The following ZNF394 variants were observed in gnomAD, a reference collection of about 807,000 sequenced individuals.
ZNF394 encodes the protein zinc finger protein 99.
A neutral mutation model predicts 21.8 loss-of-function variants in ZNF394; 19 were observed. That is an observed-to-expected ratio of 0.87 (90% confidence interval 0.61 to 1.28). The LOEUF is 1.28. Among genes scored for constraint, ZNF394 ranks in the 50% most tolerant of loss-of-function variants. The probability of loss-of-function intolerance (pLI) is 0.00; values close to 1 mark genes in which losing one functional copy is unlikely to be tolerated. For synonymous variants in ZNF394, 294 were observed against 273.3 expected (o/e 1.08, Z -0.75); for missense variants, 683 against 708.6 (o/e 0.96, Z 0.41).
At position 99,487,594 on chromosome 7, in the gene ZNF394, T is replaced by G. The variant is rs914531106; in HGVS notation, n.84-631A>C. 5.2e-6 allele frequency: 7 copies of G among 1,355,016 alleles called. No homozygotes were observed. In the African/African-American group the frequency reaches 1.0e-4, roughly 20 times the overall value. The allele number at this position is 1,355,016 out of a possible 1,614,324, so 83.9% of individuals were successfully genotyped here. On this transcript the variant is annotated intron_variant and non_coding_transcript_variant, in intron 1 of 1. Coordinates refer to the ZNF394 transcript ENST00000462024. ...AAAAGCAATAAATGTAACAAAGGGT[T>G]TTTCTATGGGAGCCATCTTTGTGTA...
Position 99,500,227 on chromosome 7 carries a change from A to T in ZNF394, c.-134T>A. The T allele has an allele frequency of 2.6e-6, 2 of 768,362 alleles. No individual in the cohort carries two copies. Among genetic ancestry groups the T allele is most frequent in the South Asian group, 2.1e-5 (1 of 46,576 alleles). 47.6% of individuals were successfully genotyped at this position (768,362 alleles called of 1,614,324 possible). A position where few individuals can be genotyped will look rare whatever the true frequency, so the allele number is the denominator to read the frequency against. ...CCCACCACACCAGGCCCCTCTCCAC[A>T]CTCTCCTTTCCTCAGCTTTGCGCCT... On this transcript the variant is annotated 5_prime_UTR_variant, in exon 1 of 3. Coordinates refer to ENST00000337673, the MANE Select transcript of ZNF394 (RefSeq NM_032164.4).
intron 2 of ZNF394, among the ~76,000 whole-genome samples, chr7:99,494,979 C>T (rs764189488): frequency 7.9e-5 from 12 of 151,928 alleles, no homozygotes; most frequent in African/African-American, 1.2e-4. Context: ...ATGATCCGCT[C>T]GCCTCAGCCT....
rs1024771420 is a variant in ZNF394, at chr7:99,498,844, T to C, written c.457-2A>G. The C allele has an allele frequency of 4.3e-6, 7 of 1,611,782 alleles. No homozygotes were observed. The highest frequency in any genetic ancestry group is 5.9e-6 in the Non-Finnish European group (7 of 1,178,656). The stretch of plus-strand genomic sequence containing the variant: ...CGTGTCCTCGAAAGTCACCATCCCC[T>C]GGAACAACACAAGAGCCCCATTCAG... On this transcript the variant is annotated splice_acceptor_variant, in intron 1 of 2. Transcript: ENST00000337673. LOFTEE classifies it high-confidence loss of function.
In ZNF394 at chr7:99,499,992, G is replaced by T; in HGVS notation, c.102C>A (p.Asp34Glu). The T allele has an allele frequency of 6.2e-7, 1 of 1,612,140 alleles. No homozygotes were observed. Among genetic ancestry groups the T allele is most frequent in the Non-Finnish European group, 8.5e-7 (1 of 1,179,884 alleles). ...CCTCCACTTTCACGGGCAAAAGTCC[G>T]TCGCGTTGGGACGGCGCCGCGTCCT... ...RSKDAAPSQR[D>E]GLLPVKVEED... Residue 34 changes from aspartate (D) to glutamate (E), a missense_variant, in exon 1 of 3, where the codon GAC becomes GAA. Coordinates refer to ENST00000337673, the MANE Select transcript of ZNF394 (RefSeq NM_032164.4).
Position 99,498,747 on chromosome 7 carries a change from C to T in ZNF394, c.552G>A (p.Ala184=). The change falls in exon 2 of 3, where the codon GCG becomes GCA. Residue 184 remains alanine, a synonymous_variant. Transcript: ENST00000337673. ...PARRDFCRES[A]QKDSGSTVPP... ...GAACTGTGCTCCCGGAATCCTTCTG[C>T]GCACTCTCTCTGCAGAAGTCCCTCC... 6.2e-7 allele frequency: 1 copy of T among 1,614,056 alleles called. No individual in the cohort carries two copies. The highest frequency in any genetic ancestry group is 1.1e-5 in the South Asian group (1 of 91,072).
At chr7:99,499,462 G>A (rs1044617476) in intron 1 of ZNF394, among the ~76,000 whole-genome samples, 176 bp downstream of exon 1, 4 of 152,070 alleles carry the variant, frequency 2.6e-5, no homozygotes, top group African/African-American at 9.7e-5. Flanking sequence ...TTATGCTGAG[G>A]TCTATAACAA....
At chr7:99,487,020 G>GT (rs768769187) in intron 1 of ZNF394, 2 of 1,613,942 alleles carry the variant, frequency 1.2e-6, no homozygotes, top group East Asian at 2.2e-5. Flanking sequence ...GGCAGCTCGC[G>GT]TATCTTGTTG....
rs148428233 is a variant in ZNF394, at chr7:99,499,690, G to A, written c.404C>T (p.Ala135Val). 85 of 1,611,634 alleles carry A rather than the reference G, an allele frequency of 5.3e-5. No individual in the cohort carries two copies. In the African/African-American group the frequency reaches 9.9e-4, roughly 19 times the overall value. ...CTGCAGAGCCCGCACCACGGCCACC[G>A]CCTCCTCCCCGCTCTCTGGGCAGTG... ...REHCPESGEE[A>V]VAVVRALQRA... is the part of the protein sequence containing the mutation. The change falls in exon 1 of 3, where the codon GCG (alanine) becomes GTG (valine). Residue 135 changes from alanine (A) to valine (V), a missense_variant. Physicochemically the swap from Ala to Val is moderately conservative, Grantham distance 64. Coordinates refer to ENST00000337673, the MANE Select transcript of ZNF394 (RefSeq NM_032164.4).
chr7:99,499,574 C>T, intron 1 of ZNF394, 64 bp downstream of exon 1: 1 of 1,435,350 alleles, frequency 7.0e-7, no homozygotes, highest in Non-Finnish European at 9.3e-7. Context: ...TTCCGAAACG[C>T]AGAGCACCCC....
Position 99,500,187 on chromosome 7 carries a change from TC to T in ZNF394, c.-95del. The T allele has an allele frequency of 7.6e-7, 1 of 1,312,266 alleles. No homozygotes were observed. Among genetic ancestry groups the T allele is most frequent in the East Asian group, 2.5e-5 (1 of 40,272 alleles). The allele number at this position is 1,312,266 out of a possible 1,614,324, so 81.3% of individuals were successfully genotyped here. A position where few individuals can be genotyped will look rare whatever the true frequency, so the allele number is the denominator to read the frequency against. On this transcript the variant is annotated 5_prime_UTR_variant, in exon 1 of 3. Coordinates refer to ENST00000337673, the MANE Select transcript of ZNF394 (RefSeq NM_032164.4). ...CTCATCAGCCGTCAACACCCTCCGGTCCCAAACACCGGGCCCCACCACACCA... is the reference window on the plus strand; with the variant it reads ...CTCATCAGCCGTCAACACCCTCCGGTCCAAACACCGGGCCCCACCACACCA...
In ZNF394 at chr7:99,493,900, C is replaced by T. The variant is rs1198505772; in HGVS notation, c.1315G>A (p.Asp439Asn). The T allele has an allele frequency of 6.2e-7, 1 of 1,614,174 alleles. No homozygotes were observed. The highest frequency in any genetic ancestry group is 8.5e-7 in the Non-Finnish European group (1 of 1,180,048). ...LNRHQSTHSR[D>N]KHFKCEECGE... is the part of the protein sequence containing the mutation. ...CATTCCTCACATTTAAAATGTTTGTCTCTACTGTGGGTACTTTGATGACGA... is the reference window on the plus strand; with the variant it reads ...CATTCCTCACATTTAAAATGTTTGTTTCTACTGTGGGTACTTTGATGACGA... Residue 439 changes from aspartate (D) to asparagine (N), a missense_variant, in exon 3 of 3, where the codon GAC (aspartate) becomes AAC (asparagine). Transcript: ENST00000337673.
chr7:99,487,270 G>A, intron 1 of ZNF394: 9 of 1,614,224 alleles, frequency 5.6e-6, no homozygotes, highest in Non-Finnish European at 6.8e-6. Flanking sequence ...TGGTAGGAAT[G>A]TGGATCTCAT....
rs1562896469 is a variant in ZNF394, at chr7:99,500,178, A to G, written c.-85T>C. The G allele has an allele frequency of 5.1e-6, 7 of 1,377,636 alleles. No individual in the cohort carries two copies. Among genetic ancestry groups the G allele is most frequent in the Non-Finnish European group, 6.7e-6 (7 of 1,038,688 alleles). The allele number at this position is 1,377,636 out of a possible 1,614,324, so 85.3% of individuals were successfully genotyped here. A position where few individuals can be genotyped will look rare whatever the true frequency, so the allele number is the denominator to read the frequency against. ...CCCAAGGAACTCATCAGCCGTCAAC[A>G]CCCTCCGGTCCCAAACACCGGGCCC... On this transcript the variant is annotated 5_prime_UTR_variant, in exon 1 of 3. Transcript: ENST00000337673.
downstream of ZNF394, among the ~76,000 whole-genome samples, chr7:99,492,350 T>G (rs1041038316): frequency 1.3e-5 from 2 of 151,128 alleles, no homozygotes. Context: ...GGTTCAAAAG[T>G]GAATAAAAAG....
exon 2 of ZNF394, chr7:99,486,671 T>A (rs769478005): frequency 1.2e-6 from 2 of 1,614,202 alleles, no homozygotes; most frequent in Non-Finnish European, 1.7e-6. Context: ...AGCAGGGGCT[T>A]CCTTCAAAAC....
In ZNF394 at chr7:99,500,063, C is replaced by T. The variant is rs766477445; in HGVS notation, c.31G>A (p.Gly11Ser). 55 of 1,580,492 alleles carry T rather than the reference C, an allele frequency of 3.5e-5. No homozygotes were observed. In the South Asian group the frequency reaches 5.6e-4, roughly 16 times the overall value. MNSSLTAQRR[G>S]SDAELGPWVM... ...CAGGGTCCCAACTCGGCGTCACTGCCGCGCCTCTGGGCGGTCAAGCTGGAA... is the reference window on the plus strand; with the variant it reads ...CAGGGTCCCAACTCGGCGTCACTGCTGCGCCTCTGGGCGGTCAAGCTGGAA... Residue 11 changes from glycine (G) to serine (S), a missense_variant, in exon 1 of 3, where the codon GGC becomes AGC. Gly to Ser is a moderately conservative substitution (Grantham distance 56). Transcript: ENST00000337673.
At chr7:99,487,640 C>A in intron 1 of ZNF394, 1 of 843,110 alleles carries the variant, frequency 1.2e-6, no homozygotes, top group Non-Finnish European at 1.8e-6. Flanking sequence ...AGTGAAGAAA[C>A]GCTTAAAAGG....
intron 2 of ZNF394, among the ~76,000 whole-genome samples, chr7:99,494,941 G>T (rs903422649): frequency 6.6e-6 from 1 of 151,884 alleles, no homozygotes; most frequent in African/African-American, 2.4e-5. Context: ...CACCATGTTG[G>T]CCAGGATGGT....
downstream of ZNF394, chr7:99,493,202 G>A (rs1010778882): frequency 3.8e-6 from 4 of 1,062,942 alleles, no homozygotes; most frequent in Non-Finnish European, 3.4e-6. Context: ...AAGGAATGTG[G>A]TTCTGGACAA....
Sources: gnomAD v4.1 joint callset for allele counts (sites outside exome capture counted in the v4.1 genomes callset) on GRCh38, gnomAD v4.1.1 for gene constraint, MANE v1.5 for transcripts, NCBI Gene and HGNC (gene_info 2026-07-23, HGNC 2026-07-21) for gene names.